Variants in CHD1L observed in about 807,000 individuals in gnomAD.
CHD1L encodes chromodomain helicase DNA binding protein 1 like.
CHD1L carries 118 observed loss-of-function variants against 115.9 expected under a neutral mutation model. The observed-to-expected ratio is 1.02, with a 90% CI of 0.88 to 1.19. The LOEUF is 1.19. Among genes scored for constraint, CHD1L ranks in the 50% most tolerant of loss-of-function variants. The pLI is 0.00. For missense variants in CHD1L, 1,179 were observed against 1,065.3 expected (o/e 1.11, Z -1.49); for synonymous variants, 411 against 387.1 (o/e 1.06, Z -0.72).
the CHD1L span, among the ~76,000 whole-genome samples, chr1:147,196,141 C>A: frequency 4.6e-5 from 7 of 152,110 alleles, no homozygotes; most frequent in Non-Finnish European, 7.3e-5. Flanking sequence ...ACATTCTCTG[C>A]CATCTTGGTT....
chr1:147,220,644 C>G, the CHD1L span, among the ~76,000 whole-genome samples: 2 of 152,126 alleles, frequency 1.3e-5, no homozygotes, highest in Non-Finnish European at 2.9e-5. Context: ...GTGATATTAT[C>G]TAGGGTTTTT....
intron 19 of CHD1L, among the ~76,000 whole-genome samples, chr1:147,290,011 A>G (rs922251291): frequency 2.6e-5 from 4 of 152,232 alleles, no homozygotes; most frequent in Admixed American, 1.3e-4. Flanking sequence ...GTATTTTAGA[A>G]TGACTGAACA....
the CHD1L span, among the ~76,000 whole-genome samples, chr1:147,227,898 A>C: frequency 6.6e-6 from 1 of 152,146 alleles, no homozygotes; most frequent in South Asian, 2.1e-4. Flanking sequence ...TTCATTCAGC[A>C]AACAGTCTCT....
At chr1:147,205,017 T>TA in the CHD1L span, 1 of 757,320 alleles carries the variant, frequency 1.3e-6, no homozygotes, top group South Asian at 1.4e-5. Context: ...AACCTGGAGA[T>TA]ACATTCAGTC....
At chr1:147,224,962 A>G in the CHD1L span, 1 of 1,614,048 alleles carries the variant, frequency 6.2e-7, no homozygotes, top group Non-Finnish European at 8.5e-7. Flanking sequence ...GCCTTCTTCT[A>G]CGCAGCACTT....
the CHD1L span, chr1:147,179,354 C>T: frequency 6.2e-7 from 1 of 1,601,478 alleles, no homozygotes; most frequent in Admixed American, 1.7e-5. Flanking sequence ...AACCTGGAGC[C>T]CAAGTATAAA....
At chr1:147,248,648 T>G (rs1012712683) in intron 1 of CHD1L, among the ~76,000 whole-genome samples, 8 of 152,358 alleles carry the variant, frequency 5.3e-5, no homozygotes, top group Non-Finnish European at 1.0e-4. Flanking sequence ...TGTGAATTAT[T>G]TGAACATTTT....
the CHD1L span, among the ~76,000 whole-genome samples, chr1:147,177,843 A>T: frequency 4.6e-5 from 7 of 152,196 alleles, no homozygotes; most frequent in Non-Finnish European, 7.3e-5. Context: ...GAAAAAGAAC[A>T]TTAGGTTAAA....
At chr1:147,197,930 T>A in the CHD1L span, among the ~76,000 whole-genome samples, 2 of 152,200 alleles carry the variant, frequency 1.3e-5, no homozygotes, top group African/African-American at 4.8e-5. Flanking sequence ...AGTGAGGAAC[T>A]GAAGTTCAGA....
chr1:147,261,614 T>G (rs1671973869), intron 6 of CHD1L, among the ~76,000 whole-genome samples: 1 of 152,040 alleles, frequency 6.6e-6, no homozygotes, highest in African/African-American at 2.4e-5. Flanking sequence ...GTTTACTAAT[T>G]TAAAACGGGA....
chr1:147,215,661 A>C, the CHD1L span: 4 of 917,772 alleles, frequency 4.4e-6, no homozygotes, highest in Middle Eastern at 4.6e-4. Flanking sequence ...AAATCAAGCC[A>C]ATCTTTAGAA....
intron 11 of CHD1L, among the ~76,000 whole-genome samples, chr1:147,271,429 C>G (rs1676175285): frequency 6.6e-6 from 1 of 152,134 alleles, no homozygotes; most frequent in Non-Finnish European, 1.5e-5. Flanking sequence ...AAAGTAAGAG[C>G]AACTTTTTCT....
At chr1:147,284,640 A>ATAG (rs1682343297) in intron 16 of CHD1L, 141 bp downstream of exon 16, 2 of 737,848 alleles carry the variant, frequency 2.7e-6, no homozygotes, top group Non-Finnish European at 4.2e-6. Flanking sequence ...TGTTATTATA[A>ATAG]TTAACTATAC....
Position 147,295,744 on chromosome 1 carries a change from A to C in CHD1L, c.*235A>C, listed in dbSNP as rs1015690682. On this transcript the variant is annotated 3_prime_UTR_variant, in exon 23 of 23. Coordinates refer to ENST00000369258, the MANE Select transcript of CHD1L (RefSeq NM_004284.6). ...ACCCCAGCTTGCTAGTTGCATAATA[A>C]TAAATTTTCTGTTCCTAATGGTTTT... 3.9e-6 allele frequency: 2 copies of C among 510,178 alleles called. No homozygotes were observed. The highest frequency in any genetic ancestry group is 6.8e-6 in the Non-Finnish European group (2 of 294,018). 31.6% of individuals were successfully genotyped at this position (510,178 alleles called of 1,614,324 possible). A position where few individuals can be genotyped will look rare whatever the true frequency, so the allele number is the denominator to read the frequency against.
At chr1:147,257,752 A>T (rs1287474712) in intron 5 of CHD1L, among the ~76,000 whole-genome samples, 1 of 152,316 alleles carries the variant, frequency 6.6e-6, no homozygotes, top group East Asian at 1.9e-4. Context: ...AAAATAAGAG[A>T]TTTGGTAACC....
At chr1:147,290,238 C>T (rs1553969181) in intron 19 of CHD1L, among the ~76,000 whole-genome samples, 1 of 151,694 alleles carries the variant, frequency 6.6e-6, no homozygotes, top group Non-Finnish European at 1.5e-5. Flanking sequence ...CGCACACCAC[C>T]ATGCCCGGCC....
intron 14 of CHD1L, among the ~76,000 whole-genome samples, chr1:147,278,658 A>G (rs1048124320): frequency 6.6e-6 from 1 of 152,244 alleles, no homozygotes; most frequent in East Asian, 1.9e-4. Context: ...GGGAGGACAC[A>G]GTAGAAACAG....
At chr1:147,201,182 G>T in the CHD1L span, 2 of 1,613,730 alleles carry the variant, frequency 1.2e-6, no homozygotes, top group Non-Finnish European at 1.7e-6. Flanking sequence ...CAGCGTCCTT[G>T]GAGCTCTGAA....
the CHD1L span, among the ~76,000 whole-genome samples, chr1:147,222,311 T>C: frequency 6.6e-6 from 1 of 152,150 alleles, no homozygotes; most frequent in Non-Finnish European, 1.5e-5. Flanking sequence ...GAGGTTGCAG[T>C]GAGCTGAGAT....
Sources: gnomAD v4.1 joint callset for allele counts (sites outside exome capture counted in the v4.1 genomes callset) on GRCh38, gnomAD v4.1.1 for gene constraint, MANE v1.5 for transcripts, NCBI Gene and HGNC (gene_info 2026-07-23, HGNC 2026-07-21) for gene names.